Variants in TEX101 observed in about 807,000 individuals in gnomAD.
The protein encoded by TEX101 is testis-expressed protein 101.
Under a neutral mutation model 18.1 loss-of-function variants are expected in TEX101, and 10 were observed. The observed-to-expected ratio is 0.55, with a 90% CI of 0.34 to 0.94. The LOEUF (loss-of-function observed/expected upper bound fraction) is 0.94. Ranked by LOEUF, TEX101 falls within the 40% of genes least tolerant of loss-of-function variation. TEX101 has a pLI of 0.02. For synonymous variants in TEX101, 94 were observed against 114.8 expected, an observed-to-expected ratio of 0.82 and a Z score of 1.16; for missense variants, 259 against 298.9, an observed-to-expected ratio of 0.87 and a Z score of 0.98.
upstream of TEX101, among the ~76,000 whole-genome samples, chr19:43,414,324 A>G (rs1599902583): frequency 6.6e-6 from 1 of 152,126 alleles, no homozygotes; most frequent in African/African-American, 2.4e-5. Flanking sequence ...GGGGTGCCCA[A>G]AGTGATGCTG....
At chr19:43,394,671 C>T in the TEX101 span, among the ~76,000 whole-genome samples, 2 of 152,112 alleles carry the variant, frequency 1.3e-5, no homozygotes, top group Non-Finnish European at 2.9e-5. Flanking sequence ...GGGGTTTCAC[C>T]GTGTTAGCCA....
upstream of TEX101, among the ~76,000 whole-genome samples, chr19:43,411,257 A>C (rs1196527097): frequency 6.6e-6 from 1 of 152,008 alleles, no homozygotes; most frequent in East Asian, 1.9e-4. Flanking sequence ...TTTCATTTTT[A>C]GTGGAGACAG....
At chr19:43,400,531 T>A (rs747456548), upstream of TEX101, among the ~76,000 whole-genome samples, 1 of 152,230 alleles carries the variant, frequency 6.6e-6, no homozygotes, top group African/African-American at 2.4e-5. Context: ...GCACTAAGAA[T>A]AACAGTACTG....
chr19:43,391,742 C>T, the TEX101 span, among the ~76,000 whole-genome samples: 2 of 152,152 alleles, frequency 1.3e-5, no homozygotes, highest in Non-Finnish European at 2.9e-5. Context: ...TATGGATAAA[C>T]ATCAGGGTCG....
chr19:43,394,713 G>A, the TEX101 span, among the ~76,000 whole-genome samples: 4 of 152,028 alleles, frequency 2.6e-5, no homozygotes, highest in African/African-American at 4.8e-5. Flanking sequence ...CTCGTGATCC[G>A]CCTGCCTCGA....
At chr19:43,413,496 C>CAAA (rs71169233), upstream of TEX101, among the ~76,000 whole-genome samples, 1 of 133,742 alleles carries the variant, frequency 7.5e-6, no homozygotes, top group African/African-American at 2.8e-5. Flanking sequence ...AGGGAGACTC[C>CAAA]AAAAAAAAAA....
intron 1 of TEX101, among the ~76,000 whole-genome samples, chr19:43,402,213 A>G (rs1970324044): frequency 6.6e-6 from 1 of 152,274 alleles, no homozygotes; most frequent in Non-Finnish European, 1.5e-5. Context: ...AGAAGTCACT[A>G]AACTACAAAA....
chr19:43,392,970 G>C, the TEX101 span, among the ~76,000 whole-genome samples: 3 of 152,014 alleles, frequency 2.0e-5, no homozygotes, highest in African/African-American at 7.2e-5. Flanking sequence ...AGGCAGGAGA[G>C]TCACTTGAAC....
rs1970504833 is a variant in TEX101 at position 43,418,301 on chromosome 19, A to G, written c.654A>G (p.Arg218=). The G allele has an allele frequency of 6.2e-7, 1 of 1,614,144 alleles. No individual in the cohort carries two copies. Among genetic ancestry groups the G allele is most frequent in the African/African-American group, 1.3e-5 (1 of 75,038 alleles). ...ACPHQLLTQP[R]KTENGATCLP... is the part of the protein sequence containing the mutation. ...CACATCAGCTGCTCACTCAACCTCG[A>G]AAGACTGAAAATGGGGCCACCTGTC... Residue 218 remains arginine, a synonymous_variant, in exon 6 of 6, where the codon CGA becomes CGG. Coordinates refer to ENST00000598265, the MANE Select transcript of TEX101 (RefSeq NM_001130011.3).
chr19:43,412,062 C>A (rs1970424148), upstream of TEX101, among the ~76,000 whole-genome samples: 1 of 152,184 alleles, frequency 6.6e-6, no homozygotes, highest in Non-Finnish European at 1.5e-5. Context: ...AAAGGCAAAG[C>A]CACCTTTCTC....
chr19:43,403,048 C>T (rs545881272), intron 2 of TEX101, among the ~76,000 whole-genome samples: 45 of 152,224 alleles, frequency 3.0e-4, no homozygotes, highest in African/African-American at 8.7e-4. Flanking sequence ...AAACAGCATG[C>T]GTTAGTTCCT....
chr19:43,393,353 T>C, the TEX101 span, among the ~76,000 whole-genome samples: 4 of 152,324 alleles, frequency 2.6e-5, no homozygotes, highest in South Asian at 8.3e-4. Context: ...GCGCACAGCC[T>C]GCATCCCATC....
chr19:43,408,517 T>C, intron 3 of TEX101, among the ~76,000 whole-genome samples: 1 of 151,920 alleles, frequency 6.6e-6, no homozygotes, highest in East Asian at 1.9e-4. Context: ...AATAAATAAA[T>C]GGCGAGTTGG....
At chr19:43,404,953 A>C (rs1389817600) in intron 2 of TEX101, among the ~76,000 whole-genome samples, 1 of 152,176 alleles carries the variant, frequency 6.6e-6, no homozygotes, top group Non-Finnish European at 1.5e-5. Context: ...AACTGATCAC[A>C]GATAGAAGGT....
At chr19:43,405,131 T>C (rs1189214009) in intron 2 of TEX101, among the ~76,000 whole-genome samples, 1 of 152,172 alleles carries the variant, frequency 6.6e-6, no homozygotes, top group Non-Finnish European at 1.5e-5. Context: ...GTAGGCAAAT[T>C]GGTGAAGCTA....
At chr19:43,392,441 C>T in the TEX101 span, among the ~76,000 whole-genome samples, 38 of 152,218 alleles carry the variant, frequency 2.5e-4, no homozygotes, top group Middle Eastern at 3.4e-3. Context: ...TGCGCAACCC[C>T]GGATTTGGGT....
intron 2 of TEX101, among the ~76,000 whole-genome samples, chr19:43,403,140 A>G (rs1383143954): frequency 6.6e-6 from 1 of 152,200 alleles, no homozygotes; most frequent in Non-Finnish European, 1.5e-5. Flanking sequence ...GGATCTCACC[A>G]GTGTAAAGAA....
intron 3 of TEX101, among the ~76,000 whole-genome samples, chr19:43,408,783 T>G (rs1970393683): frequency 6.6e-6 from 1 of 152,148 alleles, no homozygotes; most frequent in Non-Finnish European, 1.5e-5. Context: ...CAGACCAGAC[T>G]CTTCCCATCC....
intron 2 of TEX101, among the ~76,000 whole-genome samples, chr19:43,404,569 T>C (rs548186456): frequency 1.3e-5 from 2 of 152,170 alleles, no homozygotes; most frequent in Non-Finnish European, 2.9e-5. Flanking sequence ...GAACCCCTTA[T>C]ATATTTCACC....
Sources: allele counts gnomAD v4.1 joint callset (sites outside exome capture counted in the v4.1 genomes callset), GRCh38; gene constraint gnomAD v4.1.1; transcripts MANE v1.5; gene names NCBI Gene and HGNC (gene_info 2026-07-23, HGNC 2026-07-21).